SV2C: variants seen among roughly 807,000 people sequenced by gnomAD.
SV2C encodes the protein synaptic vesicle glycoprotein 2C.
Under a neutral mutation model 79.7 loss-of-function variants are expected in SV2C, and 49 were observed. The ratio of observed to expected loss-of-function variants is 0.61; its 90% CI spans 0.49 to 0.78. SV2C has a LOEUF of 0.78. Among genes scored for constraint, SV2C ranks in the 30% least tolerant of loss-of-function variants. SV2C has a pLI of 0.00. For missense variants in SV2C, 833 were observed against 912.9 expected (o/e 0.91, Z 1.13); for synonymous variants, 334 against 333.2 (o/e 1.00, Z -0.03).
At chr5:76,029,771 C>T in the SV2C span, among the ~76,000 whole-genome samples, 2 of 152,190 alleles carry the variant, frequency 1.3e-5, no homozygotes, top group Admixed American at 6.5e-5. Flanking sequence ...TTCAGCTTAA[C>T]CTGCAACTGT....
the SV2C span, among the ~76,000 whole-genome samples, chr5:76,029,629 T>TACAG: frequency 6.6e-6 from 1 of 152,210 alleles, no homozygotes; most frequent in Non-Finnish European, 1.5e-5. Flanking sequence ...AAATTTACAC[T>TACAG]TATTATTTTT....
At chr5:76,306,891 G>A (rs1468826519) in intron 12 of SV2C, among the ~76,000 whole-genome samples, 1 of 152,152 alleles carries the variant, frequency 6.6e-6, no homozygotes, top group South Asian at 2.1e-4. Flanking sequence ...ATATTTAAAA[G>A]ATAGATAAGA....
intron 2 of SV2C, among the ~76,000 whole-genome samples, chr5:76,145,224 G>A (rs1749383236): frequency 6.6e-6 from 1 of 152,176 alleles, no homozygotes; most frequent in Admixed American, 6.5e-5. Context: ...GTGAGGTTAG[G>A]GAGGTAAGAT....
At chr5:75,880,488 GT>G in the SV2C span, among the ~76,000 whole-genome samples, 1 of 152,126 alleles carries the variant, frequency 6.6e-6, no homozygotes, top group African/African-American at 2.4e-5. Flanking sequence ...TCACTCTTAA[GT>G]TTAAATTTCA....
At position 76,325,770 on chromosome 5, in the gene SV2C, C is replaced by G. The variant is rs376810369; in HGVS notation, c.*223C>G. The G allele has an allele frequency of 2.0e-5, 11 of 562,326 alleles. No individual in the cohort carries two copies. In the East Asian group the frequency reaches 3.5e-4, roughly 18 times the overall value. The allele number at this position is 562,326 out of a possible 1,614,324, so 34.8% of individuals were successfully genotyped here. A position where few individuals can be genotyped will look rare whatever the true frequency, so the allele number is the denominator to read the frequency against. On this transcript the variant is annotated 3_prime_UTR_variant, in exon 13 of 13. Transcript: ENST00000502798. ...TTGTTTGAATGCATTGTTATCTTTC[C>G]AAACTGTGATGCTACTGCCTCCCGC...
the SV2C span, among the ~76,000 whole-genome samples, chr5:75,950,702 G>A: frequency 2.0e-5 from 3 of 151,994 alleles, no homozygotes; most frequent in African/African-American, 7.2e-5. Context: ...CTAGATATAA[G>A]TGGATGAATA....
chr5:75,968,312 C>A, the SV2C span, among the ~76,000 whole-genome samples: 1 of 152,284 alleles, frequency 6.6e-6, no homozygotes, highest in East Asian at 1.9e-4. Context: ...AGCAACTGAA[C>A]AAAGCTGGAC....
intron 12 of SV2C, among the ~76,000 whole-genome samples, chr5:76,343,132 G>C (rs1157611148): frequency 6.6e-6 from 1 of 152,096 alleles, no homozygotes; most frequent in Non-Finnish European, 1.5e-5. Flanking sequence ...GTCTACTTCA[G>C]GGTCAGGAAG....
intron 2 of SV2C, among the ~76,000 whole-genome samples, chr5:76,169,232 G>A (rs1307390145): frequency 6.6e-6 from 1 of 152,208 alleles, no homozygotes; most frequent in African/African-American, 2.4e-5. Flanking sequence ...CAGTTGGTGA[G>A]GTCTGGCTGG....
the SV2C span, among the ~76,000 whole-genome samples, chr5:75,929,410 C>T: frequency 6.6e-6 from 1 of 151,784 alleles, no homozygotes; most frequent in Non-Finnish European, 1.5e-5. Context: ...GGGGAAGCTG[C>T]GGCATCTGCT....
chr5:75,969,164 T>C, the SV2C span, among the ~76,000 whole-genome samples: 3 of 151,918 alleles, frequency 2.0e-5, no homozygotes, highest in African/African-American at 7.3e-5. Flanking sequence ...CTAAAAAAGC[T>C]CCTGAAGGAA....
chr5:75,977,808 C>T, the SV2C span, among the ~76,000 whole-genome samples: 1 of 152,176 alleles, frequency 6.6e-6, no homozygotes, highest in Non-Finnish European at 1.5e-5. Context: ...CTCATATCCT[C>T]CCTCACCTAG....
At chr5:76,149,440 C>T (rs745480943) in intron 2 of SV2C, among the ~76,000 whole-genome samples, 6 of 152,218 alleles carry the variant, frequency 3.9e-5, no homozygotes, top group East Asian at 1.9e-4. Flanking sequence ...TCCCACGAGA[C>T]GCTGAGGCTG....
At chr5:75,952,255 C>CG in the SV2C span, among the ~76,000 whole-genome samples, 1 of 81,992 alleles carries the variant, frequency 1.2e-5, no homozygotes, top group Non-Finnish European at 2.9e-5. Flanking sequence ...ATTTTCCTTC[C>CG]TTCCTTCCTT....
At chr5:76,141,104 A>C (rs1429684000) in intron 2 of SV2C, among the ~76,000 whole-genome samples, 1 of 152,178 alleles carries the variant, frequency 6.6e-6, no homozygotes, top group Non-Finnish European at 1.5e-5. Flanking sequence ...GGCTTCTGAC[A>C]TCCGAGTGGA....
intron 12 of SV2C, among the ~76,000 whole-genome samples, chr5:76,321,407 T>A (rs1748824854): frequency 6.6e-6 from 1 of 152,038 alleles, no homozygotes; most frequent in Admixed American, 6.6e-5. Flanking sequence ...AAATTCATAC[T>A]CTCTCATGGT....
intron 4 of SV2C, among the ~76,000 whole-genome samples, chr5:76,217,835 C>T (rs1158842681): frequency 6.6e-6 from 1 of 152,048 alleles, no homozygotes; most frequent in Admixed American, 6.5e-5. Flanking sequence ...ACTTTTTACC[C>T]AATAAATCAG....
At chr5:75,984,002 G>A in the SV2C span, among the ~76,000 whole-genome samples, 5 of 152,060 alleles carry the variant, frequency 3.3e-5, no homozygotes, top group African/African-American at 4.8e-5. Context: ...CAGCCATCTC[G>A]GCCAGCCCAG....
chr5:76,066,832 T>G, the SV2C span, among the ~76,000 whole-genome samples: 1 of 150,068 alleles, frequency 6.7e-6, no homozygotes, highest in Non-Finnish European at 1.5e-5. Context: ...GTAGAGAAAT[T>G]GCTCTCAGAC....
Sources: gnomAD v4.1 joint callset for allele counts (sites outside exome capture counted in the v4.1 genomes callset) on GRCh38, gnomAD v4.1.1 for gene constraint, MANE v1.5 for transcripts, NCBI Gene and HGNC (gene_info 2026-07-23, HGNC 2026-07-21) for gene names.